The following MRPL52 variants were observed in gnomAD, a reference collection of about 807,000 sequenced individuals.
The protein encoded by MRPL52 is mitochondrial ribosomal protein L52, also known as large ribosomal subunit protein mL52.
In MRPL52, 19 loss-of-function variants were observed where a neutral mutation model predicts 22.1. That is an observed-to-expected ratio of 0.86 (90% CI 0.60 to 1.26). The LOEUF is 1.26. Ranked by LOEUF, MRPL52 falls within the 50% of genes most tolerant of loss-of-function variation. The pLI is 0.00. For missense variants in MRPL52, 152 were observed against 148.1 expected, an observed-to-expected ratio of 1.03 and a Z score of -0.14; for synonymous variants, 50 against 57.5, an observed-to-expected ratio of 0.87 and a Z score of 0.59.
intron 3 of MRPL52, chr14:22,831,106 CTTTTTTTTTT>C (rs36143447): frequency 0.021 from 3,592 of 167,816 alleles, 245 homozygotes; most frequent in African/African-American, 0.17. Flanking sequence ...CATATGACTG[CTTTTTTTTTT>C]TTTTTTTTTT....
chr14:22,830,995 G>A lies in MRPL52; in HGVS notation c.154+741G>A, dbSNP rs1188844656. 3.9e-6 allele frequency: 6 copies of A among 1,531,160 alleles called. No homozygotes were observed. The East Asian group carries it at 1.5e-4, about 38-fold the overall frequency. 94.8% of individuals were successfully genotyped at this position (1,531,160 alleles called of 1,614,324 possible). A position where few individuals can be genotyped will look rare whatever the true frequency, so the allele number is the denominator to read the frequency against. On this transcript the variant is annotated intron_variant, in intron 3 of 4. Transcript: ENST00000397496. The stretch of plus-strand genomic sequence containing the variant: ...GATCCTGCTTAATTGGATAATTGGT[G>A]ACTGAGGAAGATGGTGAAGATTTTT...
In MRPL52 at chr14:22,834,427, C is replaced by A; in HGVS notation, c.*106C>A. ...AGCCTTCACGTTCCCCATCTGTCTTCAGAGAAAAAGAGCTGGGACACCAAG... is the reference window on the plus strand; with the variant it reads ...AGCCTTCACGTTCCCCATCTGTCTTAAGAGAAAAAGAGCTGGGACACCAAG... On this transcript the variant is annotated 3_prime_UTR_variant, in exon 5 of 5. Transcript: ENST00000397496. 7.5e-7 allele frequency: 1 copy of A among 1,327,460 alleles called. No individual in the cohort carries two copies. The highest frequency in any genetic ancestry group is 2.5e-5 in the East Asian group (1 of 39,608). 82.2% of individuals were successfully genotyped at this position (1,327,460 alleles called of 1,614,324 possible).
At chr14:22,833,821 A>G (rs370540001) in intron 4 of MRPL52, among the ~76,000 whole-genome samples, 3 of 152,020 alleles carry the variant, frequency 2.0e-5, no homozygotes, top group East Asian at 3.9e-4. Flanking sequence ...GGGTTTTTCT[A>G]TGTTGGTCAG....
chr14:22,834,461 GT>G lies in MRPL52; in HGVS notation c.*142del. The G allele has an allele frequency of 2.1e-6, 2 of 931,954 alleles. No individual in the cohort carries two copies. The highest frequency in any genetic ancestry group is 3.2e-6 in the Non-Finnish European group (2 of 630,020). The allele number at this position is 931,954 out of a possible 1,614,324, so 57.7% of individuals were successfully genotyped here. ...AGAGCTGGGACACCAAGAACAAGCTGTTAGATCACTGCCTGGGAGGCTTGGC... is the reference window on the plus strand; with the variant it reads ...AGAGCTGGGACACCAAGAACAAGCTGTAGATCACTGCCTGGGAGGCTTGGC... On this transcript the variant is annotated 3_prime_UTR_variant, in exon 5 of 5. Coordinates refer to ENST00000397496, the MANE Select transcript of MRPL52 (RefSeq NM_180982.3).
intron 3 of MRPL52, 126 bp downstream of exon 3, chr14:22,830,380 C>T: frequency 1.0e-6 from 1 of 974,084 alleles, no homozygotes; most frequent in Non-Finnish European, 1.6e-6. Context: ...ATTTGGAAAA[C>T]GGAATTTGGG....
Position 22,834,328 on chromosome 14 carries a change from A to G in MRPL52, c.*7A>G, listed in dbSNP as rs754588844. On this transcript the variant is annotated 3_prime_UTR_variant, in exon 5 of 5. Coordinates refer to ENST00000397496, the MANE Select transcript of MRPL52 (RefSeq NM_180982.3). ...CCCACTTCCAAGTCAATAAAAAGCA[A>G]CTCCTGCCTCCCTTCCTCACCCTGT... 3.7e-6 allele frequency: 6 copies of G among 1,604,348 alleles called. No individual in the cohort carries two copies. The highest frequency in any genetic ancestry group is 5.1e-6 in the Non-Finnish European group (6 of 1,176,306).
At chr14:22,830,907 A>T in intron 3 of MRPL52, 2 of 1,238,082 alleles carry the variant, frequency 1.6e-6, no homozygotes, top group Non-Finnish European at 2.3e-6. Flanking sequence ...AACATAGGCC[A>T]GTCCTCCTTG....
At chr14:22,834,111 GAT>G (rs934829912) in intron 4 of MRPL52, 59 bp from the exon 5 acceptor site, 95 of 1,562,320 alleles carry the variant, frequency 6.1e-5, no homozygotes, top group Non-Finnish European at 8.1e-5. Context: ...TAAGTGGAAG[GAT>G]ATATAGTATA....
intron 3 of MRPL52, chr14:22,830,462 C>A: frequency 1.7e-6 from 1 of 604,404 alleles, no homozygotes; most frequent in Non-Finnish European, 2.9e-6. Flanking sequence ...AGGATCTTGG[C>A]TTGTGGAGAT....
intron 4 of MRPL52, 53 bp from the exon 5 acceptor site, chr14:22,834,119 G>C: frequency 6.3e-7 from 1 of 1,592,754 alleles, no homozygotes; most frequent in Admixed American, 1.7e-5. Context: ...AGGATATATA[G>C]TATAGCGCTG....
chr14:22,830,358 G>T, intron 3 of MRPL52, 104 bp downstream of exon 3: 1 of 1,204,016 alleles, frequency 8.3e-7, no homozygotes, highest in Non-Finnish European at 1.2e-6. Flanking sequence ...GTGTAAAAGT[G>T]TTTAACTTTT....
chr14:22,833,367 G>C (rs377615020), intron 3 of MRPL52, 51 bp from the exon 4 acceptor site: 19 of 1,157,532 alleles, frequency 1.6e-5, no homozygotes, highest in Non-Finnish European at 2.4e-5. Context: ...TTTGCACAAG[G>C]TGATGCAGTC....
intron 3 of MRPL52, chr14:22,830,890 G>T: frequency 9.2e-7 from 1 of 1,084,096 alleles, no homozygotes; most frequent in Non-Finnish European, 1.3e-6. Flanking sequence ...AGCAAATCCA[G>T]GACTAGAACA....
In MRPL52 at chr14:22,832,199, A is replaced by C. The variant is rs537563397; in HGVS notation, c.155-1219A>C. On this transcript the variant is annotated intron_variant, in intron 3 of 4. Transcript: ENST00000397496. ...TTGAAGAGATGAGCGTTTCTGGGAA[A>C]GTTAGGGTTTGAGTGGACCTAAGGA... 2 of 152,342 alleles carry C rather than the reference A, an allele frequency of 1.3e-5. 1 individual carries two copies. Among genetic ancestry groups the C allele is most frequent in the African/African-American group, 4.8e-5 (2 of 41,576 alleles). The allele number at this position is 152,342 out of a possible 1,614,324, so 9.4% of individuals were successfully genotyped here.
chr14:22,830,297 A>T (rs2039577015), intron 3 of MRPL52, 43 bp downstream of exon 3: 17 of 1,605,826 alleles, frequency 1.1e-5, no homozygotes, highest in Non-Finnish European at 1.4e-5. Flanking sequence ...GGAGATTTTC[A>T]CCTAGAGGGA....
rs768196373 is a variant in MRPL52 at position 22,830,220 on chromosome 14, G to A, written c.120G>A (p.Gly40=). The change falls in exon 3 of 5, where the codon GGG becomes GGA. Residue 40 remains glycine (G), a synonymous_variant. Coordinates refer to ENST00000397496, the MANE Select transcript of MRPL52 (RefSeq NM_180982.3). ...QGLAANPSGY[G]PLTELPDWSY... ...TGGCTGCCAACCCCTCCGGCTACGG[G>A]CCCCTTACCGAGCTCCCAGACTGGT... is the stretch of plus-strand genomic sequence containing the variant. The A allele has an allele frequency of 1.2e-6, 2 of 1,614,222 alleles. No individual in the cohort carries two copies. The highest frequency in any genetic ancestry group is 1.7e-5 in the Admixed American group (1 of 60,022).
chr14:22,833,550 C>T, intron 4 of MRPL52, 68 bp downstream of exon 4: 3 of 1,175,778 alleles, frequency 2.6e-6, no homozygotes, highest in African/African-American at 1.5e-5. Flanking sequence ...TTGTCTTGAG[C>T]TGTGTTGCAC....
At chr14:22,833,188 T>A (rs952547177) in intron 3 of MRPL52, 13 of 427,790 alleles carry the variant, frequency 3.0e-5, no homozygotes, top group Non-Finnish European at 5.0e-5. Context: ...AAATAATAAA[T>A]AAATGAAATA....
chr14:22,830,949 A>G, intron 3 of MRPL52: 11 of 1,505,286 alleles, frequency 7.3e-6, no homozygotes, highest in African/African-American at 1.4e-5. Flanking sequence ...TTAATACCCT[A>G]TTGTTGCTCT....
Sources: allele counts gnomAD v4.1 joint callset (sites outside exome capture counted in the v4.1 genomes callset), GRCh38; gene constraint gnomAD v4.1.1; transcripts MANE v1.5; gene names NCBI Gene and HGNC (gene_info 2026-07-23, HGNC 2026-07-21).